KCNIP4: variants seen among roughly 807,000 people sequenced by gnomAD.
KCNIP4 encodes Kv channel-interacting protein 4.
Under a neutral mutation model 34.0 loss-of-function variants are expected in KCNIP4, and 12 were observed. The ratio of observed to expected loss-of-function variants is 0.35; its 90% CI spans 0.23 to 0.57. The LOEUF is 0.57. KCNIP4 is among the 20% of genes least tolerant of loss of function. The pLI, the probability that KCNIP4 is intolerant of heterozygous loss-of-function variation, is 0.83. For synonymous variants in KCNIP4, 124 were observed against 102.2 expected (o/e 1.21, Z -1.29); for missense variants, 238 against 311.7 (o/e 0.76, Z 1.78).
intron 1 of KCNIP4, among the ~76,000 whole-genome samples, chr4:21,280,678 T>C (rs1288900823): frequency 1.3e-5 from 2 of 152,214 alleles, no homozygotes; most frequent in East Asian, 3.8e-4. Flanking sequence ...TCAACCCATC[T>C]AGCAACCACC....
chr4:21,264,860 G>A (rs755424479), intron 1 of KCNIP4, among the ~76,000 whole-genome samples: 7 of 152,088 alleles, frequency 4.6e-5, no homozygotes, highest in Non-Finnish European at 8.8e-5. Flanking sequence ...CAGTTTGGGA[G>A]GCTGAGGCAG....
chr4:21,053,161 A>G (rs977520721), intron 1 of KCNIP4, among the ~76,000 whole-genome samples: 34 of 152,194 alleles, frequency 2.2e-4, no homozygotes, highest in African/African-American at 7.5e-4. Context: ...AGTGGGGTCA[A>G]TGGAAATCAA....
chr4:21,582,027 A>AGAATAGAATAGAATAGAATAGAATG lies in KCNIP4; in HGVS notation c.61+366543_61+366544insCATTCTATTCTATTCTATTCTATTC, dbSNP rs1741247929. The AGAATAGAATAGAATAGAATAGAATG allele has an allele frequency of 8.1e-4, 92 of 113,156 alleles. No individual in the cohort carries two copies. In the East Asian group the frequency reaches 9.4e-3, roughly 12 times the overall value. The allele number at this position is 113,156 out of a possible 1,614,324, so 7.0% of individuals were successfully genotyped here. A position where few individuals can be genotyped will look rare whatever the true frequency, so the allele number is the denominator to read the frequency against. The stretch of plus-strand genomic sequence containing the variant: ...ATAGAAGAATAGAATAGAATAGAAT[A>AGAATAGAATAGAATAGAATAGAATG]GAATGGAATGGAATGGAATGGAATG... On this transcript the variant is annotated intron_variant, in intron 1 of 8. Coordinates refer to ENST00000382152, the MANE Select transcript of KCNIP4 (RefSeq NM_025221.6).
At chr4:21,232,910 A>G (rs1324617214) in intron 1 of KCNIP4, among the ~76,000 whole-genome samples, 1 of 152,122 alleles carries the variant, frequency 6.6e-6, no homozygotes, top group Non-Finnish European at 1.5e-5. Flanking sequence ...GGATTACCGA[A>G]TGTAGGTCTG....
intron 1 of KCNIP4, among the ~76,000 whole-genome samples, chr4:21,012,772 AT>A (rs1032395757): frequency 1.9e-4 from 29 of 152,210 alleles, no homozygotes; most frequent in Non-Finnish European, 1.3e-4. Flanking sequence ...AACCTTACAA[AT>A]TGAAAATCTA....
chr4:20,802,289 AATATATATATGCAAT>A (rs1560475784), intron 3 of KCNIP4, among the ~76,000 whole-genome samples: 1 of 47,988 alleles, frequency 2.1e-5, no homozygotes. Context: ...ATATATATGC[AATATATATATGCAAT>A]ATATATATAT....
chr4:21,866,545 A>T (rs1024614945), intron 1 of KCNIP4, among the ~76,000 whole-genome samples: 2 of 152,140 alleles, frequency 1.3e-5, no homozygotes, highest in African/African-American at 4.8e-5. Context: ...TCTACACTTA[A>T]AGAGTAGGAA....
intron 1 of KCNIP4, among the ~76,000 whole-genome samples, chr4:21,067,511 TAGG>T (rs1744506766): frequency 6.6e-6 from 1 of 152,092 alleles, no homozygotes; most frequent in Non-Finnish European, 1.5e-5. Context: ...TGCCCGGCAT[TAGG>T]AGGAACTCAT....
intron 1 of KCNIP4, among the ~76,000 whole-genome samples, chr4:21,499,330 CA>C (rs527385773): frequency 0.29 from 28,069 of 98,092 alleles, 2,885 homozygotes; most frequent in Non-Finnish European, 0.35. Flanking sequence ...GACTCCATCT[CA>C]AAAAAAAAAA....
intron 1 of KCNIP4, among the ~76,000 whole-genome samples, chr4:21,288,447 C>T (rs2109194969): frequency 6.6e-6 from 1 of 152,216 alleles, no homozygotes; most frequent in South Asian, 2.1e-4. Flanking sequence ...ACCGCTTAGA[C>T]TAGATTTTGG....
intron 1 of KCNIP4, among the ~76,000 whole-genome samples, chr4:21,034,118 G>A (rs1300997020): frequency 2.6e-5 from 4 of 152,134 alleles, no homozygotes; most frequent in Non-Finnish European, 5.9e-5. Flanking sequence ...TCTGTTTTAA[G>A]TATAAAACCT....
At chr4:21,465,116 G>A (rs768088768) in intron 1 of KCNIP4, among the ~76,000 whole-genome samples, 14 of 152,140 alleles carry the variant, frequency 9.2e-5, no homozygotes, top group Non-Finnish European at 1.9e-4. Context: ...AATAGAAGAA[G>A]AACATTACTG....
intron 1 of KCNIP4, among the ~76,000 whole-genome samples, chr4:21,294,726 T>G (rs895959973): frequency 3.3e-5 from 5 of 152,188 alleles, no homozygotes; most frequent in African/African-American, 1.2e-4. Flanking sequence ...TTAACCTTCC[T>G]GGGCCTCAAT....
intron 1 of KCNIP4, among the ~76,000 whole-genome samples, chr4:21,903,649 A>G (rs1727828561): frequency 6.6e-6 from 1 of 152,162 alleles, no homozygotes; most frequent in South Asian, 2.1e-4. Context: ...TATAGAGTAA[A>G]TTATAGAAAT....
rs1720713036 is a variant in KCNIP4, at chr4:21,373,784, C to A, written c.62-491075G>T. ...GCAATGGCATGATTTCTGTTCACTG[C>A]AACCTCTGCCTCCCAGGTTCAAGCA... is the stretch of plus-strand genomic sequence containing the variant. On this transcript the variant is annotated intron_variant, in intron 1 of 8. Transcript: ENST00000382152. Among the ~76,000 whole-genome samples, 3 of 147,078 alleles carry A rather than the reference C, an allele frequency of 2.0e-5. No homozygotes were observed. The East Asian group carries it at 5.9e-4, about 29-fold the overall frequency.
chr4:21,908,989 A>G (rs1728152377), intron 1 of KCNIP4, among the ~76,000 whole-genome samples: 1 of 152,124 alleles, frequency 6.6e-6, no homozygotes, highest in Non-Finnish European at 1.5e-5. Context: ...ACTCTAGTTT[A>G]TGTGTCATTA....
chr4:20,757,003 C>T (rs1386830330), intron 4 of KCNIP4, among the ~76,000 whole-genome samples: 1 of 152,058 alleles, frequency 6.6e-6, no homozygotes, highest in Non-Finnish European at 1.5e-5. Flanking sequence ...CTGACTTGTC[C>T]TCTGAGCCTC....
intron 1 of KCNIP4, among the ~76,000 whole-genome samples, chr4:21,416,604 A>C (rs1357084815): frequency 6.6e-6 from 1 of 152,222 alleles, no homozygotes; most frequent in Non-Finnish European, 1.5e-5. Context: ...CAGGAACGAA[A>C]GGAAAATGAA....
intron 1 of KCNIP4, among the ~76,000 whole-genome samples, chr4:20,938,989 C>A (rs775245449): frequency 1.3e-5 from 2 of 152,158 alleles, no homozygotes; most frequent in African/African-American, 4.8e-5. Context: ...ATCACTCTAG[C>A]AAACAGTCTT....
Sources: gnomAD v4.1 joint callset for allele counts (sites outside exome capture counted in the v4.1 genomes callset) on GRCh38, gnomAD v4.1.1 for gene constraint, MANE v1.5 for transcripts, NCBI Gene and HGNC (gene_info 2026-07-23, HGNC 2026-07-21) for gene names.